Variants in CLMP observed in about 807,000 individuals in gnomAD.
CLMP encodes the protein CXADR like cell adhesion molecule.
CLMP carries 27 observed loss-of-function variants against 45.2 expected under a neutral mutation model. That is an observed-to-expected ratio of 0.60 (90% CI 0.44 to 0.82). The LOEUF is 0.82. Ranked by LOEUF, CLMP falls within the 40% of genes least tolerant of loss-of-function variation. The pLI is 0.00. For missense variants in CLMP, 403 were observed against 448.4 expected, an observed-to-expected ratio of 0.90 and a Z score of 0.91; for synonymous variants, 167 against 171.4, an observed-to-expected ratio of 0.97 and a Z score of 0.20.
chr11:123,089,871 G>A (rs536138581), intron 2 of CLMP, among the ~76,000 whole-genome samples: 5 of 151,822 alleles, frequency 3.3e-5, no homozygotes, highest in East Asian at 1.9e-4. Context: ...AGACCAAGGC[G>A]GGCAGATCAC....
At chr11:123,187,196 A>G (rs1861846873) in intron 1 of CLMP, among the ~76,000 whole-genome samples, 1 of 152,128 alleles carries the variant, frequency 6.6e-6, no homozygotes, top group Admixed American at 6.6e-5. Flanking sequence ...ACAATTTTCA[A>G]GTAGACAAGC....
In CLMP at chr11:123,083,837, G is replaced by A; in HGVS notation, c.399C>T (p.Ser133=). The change falls in exon 4 of 7, where the codon TCC becomes TCT. Residue 133 remains serine, a synonymous_variant. Coordinates refer to ENST00000448775, the MANE Select transcript of CLMP (RefSeq NM_024769.5). ...HVILKVLVRP[S]KPKCELEGEL... ...CTCCTTCCAACTCACACTTGGGCTT[G>A]GATGGTCTCACTGGCAACAGCAACA... 1 of 1,613,004 alleles carries A rather than the reference G, an allele frequency of 6.2e-7. No individual in the cohort carries two copies. Among genetic ancestry groups the A allele is most frequent in the Non-Finnish European group, 8.5e-7 (1 of 1,179,976 alleles).
intron 2 of CLMP, 101 bp downstream of exon 2, chr11:123,097,694 C>A: frequency 1.1e-6 from 1 of 919,384 alleles, no homozygotes; most frequent in Middle Eastern, 3.4e-4. Context: ...GAAAAAGGAA[C>A]TCCAGCTCTT....
At chr11:123,122,454 C>T (rs903682036) in intron 1 of CLMP, among the ~76,000 whole-genome samples, 1 of 152,196 alleles carries the variant, frequency 6.6e-6, no homozygotes, top group Non-Finnish European at 1.5e-5. Context: ...GGCTCTCTAA[C>T]CCTGGGACAG....
chr11:123,112,128 A>G (rs1181118692), intron 1 of CLMP, among the ~76,000 whole-genome samples: 4 of 152,204 alleles, frequency 2.6e-5, no homozygotes, highest in South Asian at 2.1e-4. Flanking sequence ...GTCTGCCCCA[A>G]TGGCTTCAGG....
intron 5 of CLMP, among the ~76,000 whole-genome samples, chr11:123,082,617 G>GT (rs554707005): frequency 0.2 from 29,183 of 142,388 alleles, 2,930 homozygotes; most frequent in Admixed American, 0.27. Context: ...TTTTGTGTGT[G>GT]TTTTTTTTTT....
intron 1 of CLMP, among the ~76,000 whole-genome samples, chr11:123,163,278 T>C (rs1375041784): frequency 1.3e-5 from 2 of 152,038 alleles, no homozygotes; most frequent in South Asian, 2.1e-4. Context: ...CAGTGAGGAG[T>C]GACTGAAGGT....
At chr11:123,154,467 T>C (rs1246929100) in intron 1 of CLMP, among the ~76,000 whole-genome samples, 2 of 152,212 alleles carry the variant, frequency 1.3e-5, no homozygotes, top group Non-Finnish European at 2.9e-5. Context: ...CTTGTGTTAG[T>C]CATGCAAGTA....
In CLMP at chr11:123,070,076, CTG is replaced by C. The variant is rs1335259620; in HGVS notation, c.*3396_*3397del. ...GCAGTTCCGAAATTGTTTTTATACACTGTAACAACAAAGGTACCAACTTCCTT... is the reference window on the plus strand; with the variant it reads ...GCAGTTCCGAAATTGTTTTTATACACTAACAACAAAGGTACCAACTTCCTT... On this transcript the variant is annotated 3_prime_UTR_variant, in exon 7 of 7. Transcript: ENST00000448775. The C allele has an allele frequency of 6.6e-6, 1 of 152,184 alleles. No homozygotes were observed. The highest frequency in any genetic ancestry group is 1.5e-5 in the Non-Finnish European group (1 of 68,032). The allele number at this position is 152,184 out of a possible 1,614,324, so 9.4% of individuals were successfully genotyped here.
At chr11:123,158,496 G>A (rs1425814149) in intron 1 of CLMP, among the ~76,000 whole-genome samples, 1 of 152,176 alleles carries the variant, frequency 6.6e-6, no homozygotes, top group East Asian at 1.9e-4. Context: ...TGCCTTTGCA[G>A]CCCTGGGTGG....
intron 2 of CLMP, among the ~76,000 whole-genome samples, chr11:123,085,939 G>A (rs1239893298): frequency 6.6e-6 from 1 of 151,794 alleles, no homozygotes; most frequent in African/African-American, 2.4e-5. Flanking sequence ...ACCATGACTC[G>A]CTCATTTTTG....
At chr11:123,136,037 C>T (rs144821091) in intron 1 of CLMP, 2 of 587,536 alleles carry the variant, frequency 3.4e-6, no homozygotes, top group African/African-American at 1.9e-5. Context: ...CTGCTTTGTT[C>T]GCTCGTTTCT....
intron 5 of CLMP, among the ~76,000 whole-genome samples, chr11:123,077,080 C>A (rs1865750224): frequency 6.8e-6 from 1 of 146,800 alleles, no homozygotes; most frequent in Non-Finnish European, 1.5e-5. Flanking sequence ...CTCACTGCAA[C>A]CTCCGCGTCC....
At chr11:123,129,130 G>A (rs1276046812) in intron 1 of CLMP, among the ~76,000 whole-genome samples, 2 of 151,916 alleles carry the variant, frequency 1.3e-5, no homozygotes, top group African/African-American at 2.4e-5. Flanking sequence ...AGACCACGCT[G>A]GCCAACATGG....
intron 1 of CLMP, among the ~76,000 whole-genome samples, chr11:123,110,454 A>G (rs1362638479): frequency 4.1e-5 from 3 of 72,474 alleles, no homozygotes; most frequent in Admixed American, 1.4e-4. Flanking sequence ...ACTCCGTCAG[A>G]AAAAAAAAAA....
intron 1 of CLMP, among the ~76,000 whole-genome samples, chr11:123,101,061 C>A (rs1006470462): frequency 6.6e-6 from 1 of 152,200 alleles, no homozygotes; most frequent in South Asian, 2.1e-4. Flanking sequence ...CAAGTTCTAT[C>A]TTCCATTCTC....
intron 1 of CLMP, among the ~76,000 whole-genome samples, chr11:123,142,647 G>A (rs1245526313): frequency 1.8e-5 from 2 of 109,304 alleles, no homozygotes; most frequent in Non-Finnish European, 3.5e-5. Context: ...TTGAGACGGA[G>A]TCTCGCTCTG....
At chr11:123,092,216 C>T (rs931837970) in intron 2 of CLMP, among the ~76,000 whole-genome samples, 4 of 151,996 alleles carry the variant, frequency 2.6e-5, no homozygotes, top group African/African-American at 7.3e-5. Flanking sequence ...ACAGTACGTT[C>T]AGGTAGGTCT....
intron 1 of CLMP, among the ~76,000 whole-genome samples, chr11:123,185,223 G>A (rs1053794885): frequency 7.9e-5 from 12 of 152,230 alleles, no homozygotes; most frequent in South Asian, 4.2e-4. Context: ...TGGGTGCCTC[G>A]CAGAGGTTGT....
Sources: allele counts gnomAD v4.1 joint callset (sites outside exome capture counted in the v4.1 genomes callset), GRCh38; gene constraint gnomAD v4.1.1; transcripts MANE v1.5; gene names NCBI Gene and HGNC (gene_info 2026-07-23, HGNC 2026-07-21).